The following PHC3 variants were observed in gnomAD, a reference collection of about 807,000 sequenced individuals.
PHC3 encodes the protein polyhomeotic homolog 3.
A neutral mutation model predicts 107.4 loss-of-function variants in PHC3; 13 were observed. The ratio of observed to expected loss-of-function variants is 0.12; its 90% CI spans 0.08 to 0.19. PHC3 has a LOEUF of 0.19. Ranked by LOEUF, PHC3 falls within the 10% of genes least tolerant of loss-of-function variation. PHC3 has a pLI of 1.00. For synonymous variants in PHC3, 456 were observed against 427.4 expected, an observed-to-expected ratio of 1.07 and a Z score of -0.83; for missense variants, 992 against 1,210.9, an observed-to-expected ratio of 0.82 and a Z score of 2.68.
At chr3:170,174,745 A>T (rs1730146710) in intron 2 of PHC3, among the ~76,000 whole-genome samples, 1 of 152,222 alleles carries the variant, frequency 6.6e-6, no homozygotes, top group Non-Finnish European at 1.5e-5. Context: ...CTCCAACTAT[A>T]GACTACTATG....
At chr3:170,144,429 G>T (rs1223646784) in intron 6 of PHC3, among the ~76,000 whole-genome samples, 2 of 151,602 alleles carry the variant, frequency 1.3e-5, no homozygotes, top group African/African-American at 4.8e-5. Flanking sequence ...GGGCTATTCT[G>T]AGTACCGCTG....
At chr3:170,102,773 T>C in intron 13 of PHC3, 29 bp downstream of exon 13, 1 of 1,613,494 alleles carries the variant, frequency 6.2e-7, no homozygotes, top group Non-Finnish European at 8.5e-7. Flanking sequence ...GAAAAGGGTA[T>C]TTTACATTGA....
intron 2 of PHC3, among the ~76,000 whole-genome samples, chr3:170,177,702 A>C: frequency 9.0e-6 from 1 of 111,252 alleles, no homozygotes; most frequent in Non-Finnish European, 1.7e-5. Context: ...ACAGGGTCTC[A>C]CTCTGTCACC....
At chr3:170,140,578 CTTTTT>C (rs1723888154) in intron 6 of PHC3, among the ~76,000 whole-genome samples, 24 of 95,196 alleles carry the variant, frequency 2.5e-4, no homozygotes, top group African/African-American at 9.0e-4. Context: ...TTACTCATTT[CTTTTT>C]CTTTTTTTTT....
At chr3:170,149,320 G>A in intron 4 of PHC3, 76 bp from the exon 5 acceptor site, 1 of 1,416,930 alleles carries the variant, frequency 7.1e-7, no homozygotes, top group Non-Finnish European at 9.5e-7. Flanking sequence ...CCGAGCTGCA[G>A]TTAGGCAATC....
Position 170,128,963 on chromosome 3 carries a change from G to C in PHC3, c.1509C>G (p.Ser503=). ...IVSPSHQQYS[S]LQSSPIPIAS... ...CAATTGGGATTGGAGAGGACTGCAGGGATGAATATTGCTGGTGTGATGGAG... is the reference window on the plus strand; with the variant it reads ...CAATTGGGATTGGAGAGGACTGCAGCGATGAATATTGCTGGTGTGATGGAG... The change falls in exon 8 of 15, where the codon TCC becomes TCG. Residue 503 remains serine (S), a synonymous_variant. Coordinates refer to ENST00000495893, the MANE Select transcript of PHC3 (RefSeq NM_024947.4). 1 of 1,613,980 alleles carries C rather than the reference G, an allele frequency of 6.2e-7. No homozygotes were observed. The highest frequency in any genetic ancestry group is 8.5e-7 in the Non-Finnish European group (1 of 1,179,894).
chr3:170,178,643 G>C, intron 2 of PHC3, 130 bp downstream of exon 2: 1 of 1,012,478 alleles, frequency 9.9e-7, no homozygotes, highest in Admixed American at 1.9e-5. Context: ...AATGGATTGA[G>C]ACAGTTGATT....
chr3:170,136,253 T>G (rs1404893777), intron 7 of PHC3, 166 bp downstream of exon 7: 10 of 764,794 alleles, frequency 1.3e-5, no homozygotes, highest in Non-Finnish European at 2.0e-6. Flanking sequence ...TCTTTTGGGC[T>G]TTTTTGTCTC....
chr3:170,160,784 G>A (rs1727757869), intron 4 of PHC3, among the ~76,000 whole-genome samples: 1 of 152,096 alleles, frequency 6.6e-6, no homozygotes, highest in African/African-American at 2.4e-5. Context: ...TGGGTAACCT[G>A]TAATCCCAGT....
At chr3:170,152,667 C>T (rs567139427) in intron 4 of PHC3, among the ~76,000 whole-genome samples, 3 of 144,386 alleles carry the variant, frequency 2.1e-5, no homozygotes, top group Admixed American at 6.9e-5. Flanking sequence ...CACTTTTCTT[C>T]TTTTTTTTTT....
chr3:170,140,866 G>A (rs954673465), intron 6 of PHC3, among the ~76,000 whole-genome samples: 3 of 152,034 alleles, frequency 2.0e-5, no homozygotes, highest in African/African-American at 7.2e-5. Context: ...CCAAAGTGCT[G>A]GGATTACAGG....
At chr3:170,130,398 A>G (rs1030965086) in intron 7 of PHC3, among the ~76,000 whole-genome samples, 2 of 152,198 alleles carry the variant, frequency 1.3e-5, no homozygotes, top group Non-Finnish European at 2.9e-5. Flanking sequence ...ATGAGGGTAT[A>G]TATATCATTT....
chr3:170,181,566 C>A, intron 1 of PHC3, 136 bp downstream of exon 1: 2 of 1,329,682 alleles, frequency 1.5e-6, no homozygotes, highest in Non-Finnish European at 1.1e-6. Context: ...CCGGCTCCTC[C>A]ACGATAGGAC....
intron 4 of PHC3, among the ~76,000 whole-genome samples, chr3:170,155,084 T>C (rs535269040): frequency 1.2e-4 from 19 of 152,356 alleles, no homozygotes; most frequent in South Asian, 4.1e-4. Context: ...CCACTGACGC[T>C]AATTCTAGGA....
In PHC3 at chr3:170,128,686, C is replaced by T. The variant is rs1391600738; in HGVS notation, c.1786G>A (p.Val596Met). 4.3e-6 allele frequency: 7 copies of T among 1,613,654 alleles called. No homozygotes were observed. Among genetic ancestry groups the T allele is most frequent in the Non-Finnish European group, 5.9e-6 (7 of 1,179,668 alleles). Residue 596 changes from valine to methionine, a missense_variant and splice_region_variant, in exon 8 of 15, where the codon GTG (valine) becomes ATG (methionine). Transcript: ENST00000495893. ...VQPPAPVDPP[V>M]VYQVEDVCEE... ...TCAAAGAGCTTCCAAGGGCTTACCA[C>T]TGGTGGATCAACAGGTGCTGGTGGT... is the stretch of plus-strand genomic sequence containing the variant.
chr3:170,178,550 A>G (rs900418105), intron 2 of PHC3, among the ~76,000 whole-genome samples: 3 of 152,152 alleles, frequency 2.0e-5, no homozygotes, highest in Non-Finnish European at 4.4e-5. Flanking sequence ...TTCATATTAG[A>G]CTTCCCAGCT....
chr3:170,163,766 C>G (rs36029519), intron 4 of PHC3, among the ~76,000 whole-genome samples: 66,889 of 150,046 alleles, frequency 0.45, 15,125 homozygotes, highest in East Asian at 0.69. Flanking sequence ...GGGAGGCTGA[C>G]GCACGAGAAT....
intron 4 of PHC3, 62 bp downstream of exon 4, chr3:170,171,311 T>C (rs1729549234): frequency 8.3e-7 from 1 of 1,197,702 alleles, no homozygotes; most frequent in Non-Finnish European, 1.2e-6. Context: ...AACAACAGTT[T>C]ACTTTTGGAA....
intron 8 of PHC3, among the ~76,000 whole-genome samples, chr3:170,126,528 A>ATATATATATATATAT (rs370421296): frequency 6.6e-5 from 6 of 90,618 alleles, no homozygotes; most frequent in African/African-American, 2.7e-4. Context: ...ATATATATAT[A>ATATATATATATATAT]TTTTTTTTTT....
Sources: allele counts gnomAD v4.1 joint callset (sites outside exome capture counted in the v4.1 genomes callset), GRCh38; gene constraint gnomAD v4.1.1; transcripts MANE v1.5; gene names NCBI Gene and HGNC (gene_info 2026-07-23, HGNC 2026-07-21).